DHRS4L2: variants seen among roughly 807,000 people sequenced by gnomAD.
DHRS4L2 encodes dehydrogenase/reductase SDR family member 4-like 2.
DHRS4L2 carries 22 observed loss-of-function variants against 23.9 expected under a neutral mutation model. The observed-to-expected ratio is 0.92, with a 90% CI of 0.66 to 1.31. DHRS4L2 has a LOEUF of 1.31. DHRS4L2 is among the 40% of genes most tolerant of loss of function. The pLI is 0.00. For synonymous variants in DHRS4L2, 141 were observed against 123.7 expected (o/e 1.14, Z -0.93); for missense variants, 385 against 303.3 (o/e 1.27, Z -2.00).
intron 1 of DHRS4L2, among the ~76,000 whole-genome samples, chr14:23,971,087 C>T (rs1327021770): frequency 1.3e-5 from 2 of 152,058 alleles, no homozygotes; most frequent in Non-Finnish European, 2.9e-5. Flanking sequence ...CAGAACGTCT[C>T]TTCTCTTCCA....
intron 1 of DHRS4L2, among the ~76,000 whole-genome samples, chr14:23,989,621 T>G (rs549669127): frequency 4.6e-5 from 7 of 151,706 alleles, no homozygotes; most frequent in African/African-American, 1.7e-4. Context: ...TCTACAGGAC[T>G]TTGCTAGATG....
intron 7 of DHRS4L2, chr14:24,004,596 A>G: frequency 1.2e-6 from 1 of 849,658 alleles, no homozygotes; most frequent in East Asian, 2.9e-5. Flanking sequence ...ACACAGAGAC[A>G]TCGGGGTTTC....
At chr14:23,984,878 G>A (rs2034113250), upstream of DHRS4L2, among the ~76,000 whole-genome samples, 3 of 150,932 alleles carry the variant, frequency 2.0e-5, no homozygotes, top group African/African-American at 7.3e-5. Flanking sequence ...GATTAACATG[G>A]TAATAAAGAC....
At chr14:23,997,660 T>G (rs766527007) in intron 3 of DHRS4L2, among the ~76,000 whole-genome samples, 2 of 147,282 alleles carry the variant, frequency 1.4e-5, no homozygotes, top group Non-Finnish European at 3.0e-5. Flanking sequence ...CTCAGCCATC[T>G]ACATTTTATC....
chr14:23,995,850 C>A (rs1450639465), intron 3 of DHRS4L2, among the ~76,000 whole-genome samples: 1 of 151,740 alleles, frequency 6.6e-6, no homozygotes, highest in East Asian at 1.9e-4. Context: ...TTTTTATGAT[C>A]TCCCATGGTT....
chr14:23,976,976 G>C (rs1453488784), intron 1 of DHRS4L2, among the ~76,000 whole-genome samples: 4 of 151,834 alleles, frequency 2.6e-5, no homozygotes, highest in Non-Finnish European at 4.4e-5. Flanking sequence ...CTGGGAGAGG[G>C]ATAGCATTAG....
chr14:23,983,035 C>T (rs112292652), intron 1 of DHRS4L2, among the ~76,000 whole-genome samples: 136 of 151,622 alleles, frequency 9.0e-4, no homozygotes, highest in Middle Eastern at 3.4e-3. Context: ...ACAAATTGGA[C>T]CTGATTAAAC....
At chr14:23,970,738 A>C (rs1423932163) in intron 1 of DHRS4L2, among the ~76,000 whole-genome samples, 3 of 152,060 alleles carry the variant, frequency 2.0e-5, no homozygotes, top group South Asian at 2.1e-4. Context: ...GACACCTCAT[A>C]CAGGTGGGTG....
intron 1 of DHRS4L2, among the ~76,000 whole-genome samples, chr14:23,982,815 T>A (rs1314511260): frequency 6.6e-6 from 1 of 151,632 alleles, no homozygotes; most frequent in Non-Finnish European, 1.5e-5. Context: ...ACTGGACCCC[T>A]TCCTTACACC....
intron 2 of DHRS4L2, among the ~76,000 whole-genome samples, chr14:23,991,176 T>A (rs557008203): frequency 1.3e-5 from 2 of 151,828 alleles, no homozygotes; most frequent in Non-Finnish European, 2.9e-5. Flanking sequence ...GCAGAAATAA[T>A]TTGCATAATC....
chr14:23,971,162 C>G (rs1291620931), intron 1 of DHRS4L2, among the ~76,000 whole-genome samples: 1 of 152,012 alleles, frequency 6.6e-6, no homozygotes, highest in Admixed American at 6.6e-5. Context: ...GATAACTTGA[C>G]AGAAGTTAAG....
At chr14:24,001,279 C>T (rs771147965) in intron 5 of DHRS4L2, 105 bp from the exon 6 acceptor site, 1 of 1,566,144 alleles carries the variant, frequency 6.4e-7, no homozygotes. Context: ...AACTCTGCCC[C>T]TCCCTTACAG....
At chr14:23,991,208 A>C (rs1212780546) in intron 2 of DHRS4L2, among the ~76,000 whole-genome samples, 1 of 151,708 alleles carries the variant, frequency 6.6e-6, no homozygotes, top group Non-Finnish European at 1.5e-5. Context: ...GGAGGATCTT[A>C]AGCAATAGTA....
chr14:23,986,817 A>C (rs1468050294), upstream of DHRS4L2, among the ~76,000 whole-genome samples: 1 of 150,442 alleles, frequency 6.6e-6, no homozygotes, highest in Admixed American at 6.6e-5. Context: ...CCCCAGCCCC[A>C]CACAGATGGA....
upstream of DHRS4L2, among the ~76,000 whole-genome samples, chr14:23,984,702 G>C (rs2138522262): frequency 6.7e-6 from 1 of 149,876 alleles, no homozygotes; most frequent in East Asian, 2.0e-4. Flanking sequence ...AGCTACTCGG[G>C]AGGCTGAGGC....
At chr14:23,983,259 G>A (rs2034084042) in intron 1 of DHRS4L2, among the ~76,000 whole-genome samples, 1 of 151,754 alleles carries the variant, frequency 6.6e-6, no homozygotes, top group African/African-American at 2.4e-5. Flanking sequence ...AAACATTTAT[G>A]CAGCCAACAA....
intron 2 of DHRS4L2, among the ~76,000 whole-genome samples, chr14:23,993,457 C>T (rs561880636): frequency 1.5e-4 from 22 of 151,686 alleles, no homozygotes; most frequent in South Asian, 4.2e-4. Flanking sequence ...GTTAGTAACA[C>T]CCCTCTCTGT....
At chr14:23,996,636 CTCTG>C (rs1268608499) in intron 3 of DHRS4L2, among the ~76,000 whole-genome samples, 1 of 149,294 alleles carries the variant, frequency 6.7e-6, no homozygotes, top group South Asian at 2.2e-4. Context: ...CAGACTCTTG[CTCTG>C]TCTTTTTTCC....
chr14:23,990,292 G>T lies in DHRS4L2; in HGVS notation c.239G>T (p.Gly80Val). 1.2e-6 allele frequency: 2 copies of T among 1,612,410 alleles called. No homozygotes were observed. Among genetic ancestry groups the T allele is most frequent in the Non-Finnish European group, 1.7e-6 (2 of 1,179,178 alleles). The change falls in exon 2 of 8, where the codon GGG (glycine) becomes GTG (valine). Residue 80 changes from glycine (G) to valine (V), a missense_variant. Gly to Val is a moderately radical substitution (Grantham distance 109, BLOSUM62 -3). Transcript: ENST00000335125. ...GCGGTGGCCACGCTGCAGGGGGAGG[G>T]GCTGAGCGTGACGGGCACTGTGTGC... ...DQAVATLQGEGLSVTGTVCHV... is the reference protein window; with the variant it reads ...DQAVATLQGEVLSVTGTVCHV...
Sources: allele counts gnomAD v4.1 joint callset (sites outside exome capture counted in the v4.1 genomes callset), GRCh38; gene constraint gnomAD v4.1.1; transcripts MANE v1.5; gene names NCBI Gene and HGNC (gene_info 2026-07-23, HGNC 2026-07-21).